STK32B: variants seen among roughly 807,000 people sequenced by gnomAD.
STK32B encodes the protein serine/threonine-protein kinase 32B.
STK32B carries 43 observed loss-of-function variants against 52.6 expected under a neutral mutation model. The ratio of observed to expected loss-of-function variants is 0.82; its 90% confidence interval spans 0.64 to 1.05. The LOEUF is 1.05. STK32B is among the 50% of genes least tolerant of loss of function. The pLI is 0.00. For missense variants in STK32B, 621 were observed against 534.6 expected (o/e 1.16, Z -1.59); for synonymous variants, 238 against 204.3 (o/e 1.17, Z -1.41).
chr4:5,473,747 A>G (rs993909262), intron 11 of STK32B, among the ~76,000 whole-genome samples: 12 of 152,190 alleles, frequency 7.9e-5, no homozygotes, highest in African/African-American at 2.9e-4. Context: ...AGACCACACA[A>G]TGGCAGCAAA....
At chr4:5,379,097 C>G (rs761822651) in intron 4 of STK32B, among the ~76,000 whole-genome samples, 3 of 152,150 alleles carry the variant, frequency 2.0e-5, no homozygotes, top group Non-Finnish European at 2.9e-5. Context: ...AGGCTGCCCC[C>G]TCCCTACCTG....
intron 2 of STK32B, among the ~76,000 whole-genome samples, chr4:5,164,739 GCAAA>G (rs1718738508): frequency 6.6e-6 from 1 of 152,172 alleles, no homozygotes; most frequent in African/African-American, 2.4e-5. Context: ...TGGTCACACA[GCAAA>G]CAGCTGGAAT....
chr4:5,371,002 A>ATATATATATATATATGTATATATATG (rs1204029655), intron 4 of STK32B, among the ~76,000 whole-genome samples: 7 of 118,422 alleles, frequency 5.9e-5, no homozygotes, highest in African/African-American at 2.4e-4. Flanking sequence ...GTGTGTATAT[A>ATATATATATATATATGTATATATATG]TATATATATG....
chr4:5,195,824 A>C (rs1721603626), intron 3 of STK32B, among the ~76,000 whole-genome samples: 1 of 152,174 alleles, frequency 6.6e-6, no homozygotes, highest in Non-Finnish European at 1.5e-5. Context: ...CTGTCTGAGA[A>C]CCACCTGCAC....
intron 3 of STK32B, among the ~76,000 whole-genome samples, chr4:5,277,887 C>G (rs1162694760): frequency 6.6e-6 from 1 of 152,186 alleles, no homozygotes; most frequent in African/African-American, 2.4e-5. Flanking sequence ...CCACACTAAA[C>G]CTGGCCTGTC....
At chr4:5,139,867 C>G (rs1333826294) in intron 1 of STK32B, 38 bp from the exon 2 acceptor site, 2 of 1,613,212 alleles carry the variant, frequency 1.2e-6, no homozygotes, top group South Asian at 2.2e-5. Flanking sequence ...CCAGGTTTAG[C>G]AAATCTGACT....
rs73091562 is a variant in STK32B, at chr4:5,165,679, C to T, written c.109-2620C>T. 6.3e-3 allele frequency among the ~76,000 whole-genome samples: 965 copies of T among 152,238 alleles called. 15 individuals carry two copies. The highest frequency in any genetic ancestry group is 0.021 in the African/African-American group (865 of 41,544). On this transcript the variant is annotated intron_variant, in intron 2 of 11. Coordinates refer to ENST00000282908, the MANE Select transcript of STK32B (RefSeq NM_018401.3). ...GACATGGGTCTCAGAGCCTGGTGCC[C>T]GGGCCTCCAGAAGTCTTTGCTTGGA...
intron 1 of STK32B, among the ~76,000 whole-genome samples, chr4:5,070,386 G>C (rs1711685529): frequency 6.6e-6 from 1 of 152,156 alleles, no homozygotes; most frequent in African/African-American, 2.4e-5. Context: ...TGGAGAGACT[G>C]GGGGCTGGAA....
chr4:5,319,152 C>G (rs953344815), intron 3 of STK32B, among the ~76,000 whole-genome samples: 4 of 152,172 alleles, frequency 2.6e-5, no homozygotes, highest in Non-Finnish European at 4.4e-5. Context: ...AGTCACTTTT[C>G]CAGTCCCTTG....
At chr4:5,257,221 A>T (rs900923852) in intron 3 of STK32B, among the ~76,000 whole-genome samples, 1 of 151,038 alleles carries the variant, frequency 6.6e-6, no homozygotes, top group Admixed American at 6.6e-5. Context: ...GCAAGTGATT[A>T]TGTGAGTGAA....
At chr4:5,262,348 C>T (rs548526285) in intron 3 of STK32B, among the ~76,000 whole-genome samples, 11 of 151,858 alleles carry the variant, frequency 7.2e-5, no homozygotes, top group South Asian at 2.1e-4. Flanking sequence ...CAGTGTGTGC[C>T]GGGCGCAGTG....
chr4:5,431,030 C>T (rs1333329558), intron 6 of STK32B, among the ~76,000 whole-genome samples: 1 of 152,164 alleles, frequency 6.6e-6, no homozygotes, highest in Non-Finnish European at 1.5e-5. Flanking sequence ...GGCTCTGTGT[C>T]AATGGGTCTT....
intron 3 of STK32B, among the ~76,000 whole-genome samples, chr4:5,330,223 G>T (rs1732140077): frequency 6.6e-6 from 1 of 152,270 alleles, no homozygotes; most frequent in Non-Finnish European, 1.5e-5. Context: ...AAGCTTCCAT[G>T]ATTACATTAT....
chr4:5,019,509 C>T, the STK32B span: 1 of 1,389,936 alleles, frequency 7.2e-7, no homozygotes, highest in Non-Finnish European at 9.3e-7. Context: ...TGGTCCAGGG[C>T]GGCTCCACGC....
chr4:5,315,484 CAA>C (rs565105721), intron 3 of STK32B, among the ~76,000 whole-genome samples: 426 of 150,080 alleles, frequency 2.8e-3, no homozygotes, highest in African/African-American at 9.4e-3. Context: ...TGCATAAACT[CAA>C]TATTATCTAA....
intron 4 of STK32B, among the ~76,000 whole-genome samples, chr4:5,360,874 ACC>A (rs368307083): frequency 3.3e-5 from 5 of 152,230 alleles, no homozygotes; most frequent in African/African-American, 1.2e-4. Flanking sequence ...ATAATTTAGC[ACC>A]TTAACAGTTT....
chr4:5,171,897 G>A (rs1719401971), intron 3 of STK32B, among the ~76,000 whole-genome samples: 1 of 151,128 alleles, frequency 6.6e-6, no homozygotes, highest in Non-Finnish European at 1.5e-5. Context: ...ATTACCTTGG[G>A]CAGTATGGCC....
chr4:5,213,523 TAG>T (rs1723020926), intron 3 of STK32B, among the ~76,000 whole-genome samples: 1 of 152,214 alleles, frequency 6.6e-6, no homozygotes, highest in African/African-American at 2.4e-5. Flanking sequence ...GTGAAGCAGA[TAG>T]AGATCAATCT....
chr4:5,086,200 G>A (rs1284517151), intron 1 of STK32B, among the ~76,000 whole-genome samples: 1 of 152,242 alleles, frequency 6.6e-6, no homozygotes, highest in Admixed American at 6.5e-5. Context: ...CACCTGCCTC[G>A]AGAAAGACTT....
Sources: gnomAD v4.1 joint callset for allele counts (sites outside exome capture counted in the v4.1 genomes callset) on GRCh38, gnomAD v4.1.1 for gene constraint, MANE v1.5 for transcripts, NCBI Gene and HGNC (gene_info 2026-07-23, HGNC 2026-07-21) for gene names.